The following VPS13B variants were observed in gnomAD, a reference collection of about 807,000 sequenced individuals.
The protein encoded by VPS13B is vacuolar protein sorting 13 homolog B.
In VPS13B, 285 loss-of-function variants were observed where a neutral mutation model predicts 426.4. The observed-to-expected ratio is 0.67, with a 90% CI of 0.61 to 0.74. VPS13B has a LOEUF of 0.74. Among genes scored for constraint, VPS13B ranks in the 30% least tolerant of loss-of-function variants. VPS13B has a pLI of 0.00. For synonymous variants in VPS13B, 1,676 were observed against 1,676.4 expected (o/e 1.00, Z 0.01); for missense variants, 4,537 against 4,782.6 (o/e 0.95, Z 1.51).
intron 3 of VPS13B, among the ~76,000 whole-genome samples, chr8:99,039,897 T>G (rs577765952): frequency 6.6e-6 from 1 of 152,288 alleles, no homozygotes; most frequent in South Asian, 2.1e-4. Flanking sequence ...AAAGTTACTT[T>G]GTGAACTTCT....
intron 23 of VPS13B, among the ~76,000 whole-genome samples, chr8:99,459,732 A>C (rs1203539768): frequency 6.6e-6 from 1 of 152,190 alleles, no homozygotes; most frequent in Non-Finnish European, 1.5e-5. Flanking sequence ...TTGTGTATGC[A>C]GTCTGTCATT....
intron 34 of VPS13B, among the ~76,000 whole-genome samples, chr8:99,647,498 G>A (rs1171804264): frequency 6.7e-6 from 1 of 150,286 alleles, no homozygotes; most frequent in East Asian, 2.0e-4. Flanking sequence ...AGAATCACTT[G>A]AACCTGGGAG....
chr8:99,401,771 C>T (rs1263251643), intron 21 of VPS13B, among the ~76,000 whole-genome samples: 1 of 152,124 alleles, frequency 6.6e-6, no homozygotes, highest in Non-Finnish European at 1.5e-5. Flanking sequence ...GAGGCTGAGG[C>T]AGGAGAATTG....
In VPS13B at chr8:99,292,875, C is replaced by A. The variant is rs536047393; in HGVS notation, c.2824+17621C>A. Reference sequence around the variant, plus strand: ...TGAATCAGAACTACTTATAAACACACAATGCAACTAATTATTTGTGCTTCT... The same window carrying A: ...TGAATCAGAACTACTTATAAACACAAAATGCAACTAATTATTTGTGCTTCT... On this transcript the variant is annotated intron_variant, in intron 19 of 61. Coordinates refer to ENST00000357162, the MANE Select transcript of VPS13B (RefSeq NM_152564.5). 2.6e-5 allele frequency among the ~76,000 whole-genome samples: 4 copies of A among 152,252 alleles called. No homozygotes were observed. The South Asian group carries it at 6.2e-4, about 24-fold the overall frequency.
At chr8:99,343,097 C>CTT (rs759780417) in intron 19 of VPS13B, among the ~76,000 whole-genome samples, 19 of 142,244 alleles carry the variant, frequency 1.3e-4, no homozygotes, top group African/African-American at 4.4e-4. Flanking sequence ...ATTTTTCTTT[C>CTT]TTTTTTTTTT....
chr8:99,808,799 A>C (rs1813545221), intron 43 of VPS13B, among the ~76,000 whole-genome samples: 2 of 149,922 alleles, frequency 1.3e-5, no homozygotes, highest in African/African-American at 2.5e-5. Context: ...TACATAACAA[A>C]AAAAAAAAAG....
rs1423890336 is a variant in VPS13B, at chr8:99,820,023, G to C, written c.8895G>C (p.Leu2965=). 2 of 1,614,008 alleles carry C rather than the reference G, an allele frequency of 1.2e-6. No individual in the cohort carries two copies. The highest frequency in any genetic ancestry group is 3.3e-5 in the Admixed American group (2 of 59,996). ...TLLIELLPWA[L]LINESKWDLW... is the part of the protein sequence containing the mutation. ...TGATAGAACTTCTGCCCTGGGCCCT[G>C]CTTATCAATGAATCCAAATGGGACC... The change falls in exon 49 of 62, where the codon CTG becomes CTC. Residue 2965 remains leucine (L), a synonymous_variant. Transcript: ENST00000357162.
chr8:99,045,243 A>G (rs901167526), intron 3 of VPS13B, among the ~76,000 whole-genome samples: 11 of 152,168 alleles, frequency 7.2e-5, no homozygotes, highest in African/African-American at 9.7e-5. Context: ...GATTATGGCT[A>G]TTCTTGCAGG....
At chr8:99,102,544 A>G (rs1470708150) in intron 4 of VPS13B, among the ~76,000 whole-genome samples, 1 of 152,200 alleles carries the variant, frequency 6.6e-6, no homozygotes, top group Non-Finnish European at 1.5e-5. Flanking sequence ...AAAGAAGACC[A>G]TCTTCTAATA....
intron 33 of VPS13B, among the ~76,000 whole-genome samples, chr8:99,607,840 G>A (rs550900590): frequency 1.6e-4 from 25 of 152,078 alleles, no homozygotes; most frequent in Non-Finnish European, 2.6e-4. Flanking sequence ...TGCCTTAGAT[G>A]TAAACATAAA....
chr8:99,833,179 C>T (rs1268346053), intron 52 of VPS13B, among the ~76,000 whole-genome samples: 3 of 152,138 alleles, frequency 2.0e-5, no homozygotes, highest in Non-Finnish European at 2.9e-5. Context: ...GTGGTCGTTC[C>T]TGCACGCAAG....
intron 33 of VPS13B, among the ~76,000 whole-genome samples, chr8:99,587,474 C>T (rs1472763963): frequency 9.9e-5 from 15 of 151,700 alleles, no homozygotes; most frequent in Admixed American, 2.0e-4. Flanking sequence ...CCACATCCTC[C>T]CCAGCACCTG....
In VPS13B at chr8:99,835,520, G is replaced by A; in HGVS notation, c.9743-19G>A. On this transcript the variant is annotated intron_variant, in intron 53 of 61. Transcript: ENST00000357162. ...GTCTTTAAGGGCTAATTCTGCATAT[G>A]CCTTTTTTAAAATTTCAGATATTCC... 6.2e-7 allele frequency: 1 copy of A among 1,612,194 alleles called. No homozygotes were observed. The highest frequency in any genetic ancestry group is 1.1e-5 in the South Asian group (1 of 91,004).
rs549972339 is a variant in VPS13B at position 99,267,508 on chromosome 8, T to C, written c.2516-6690T>C. ...ACTTTGGGAGGCTGAGGTGGGAAGATCAAAAGATCAGGAGATCGAGACCAT... is the reference window on the plus strand; with the variant it reads ...ACTTTGGGAGGCTGAGGTGGGAAGACCAAAAGATCAGGAGATCGAGACCAT... On this transcript the variant is annotated intron_variant, in intron 17 of 61. Coordinates refer to ENST00000357162, the MANE Select transcript of VPS13B (RefSeq NM_152564.5). 6.6e-5 allele frequency among the ~76,000 whole-genome samples: 10 copies of C among 151,968 alleles called. No homozygotes were observed. In the East Asian group the frequency reaches 1.7e-3, roughly 27 times the overall value.
At chr8:99,595,178 G>A (rs1356131387) in intron 33 of VPS13B, among the ~76,000 whole-genome samples, 1 of 151,678 alleles carries the variant, frequency 6.6e-6, no homozygotes, top group Non-Finnish European at 1.5e-5. Context: ...TATTTGTTGG[G>A]GGTTACATAT....
chr8:99,782,028 G>T (rs1284048513), intron 42 of VPS13B, among the ~76,000 whole-genome samples: 1 of 152,114 alleles, frequency 6.6e-6, no homozygotes, highest in African/African-American at 2.4e-5. Flanking sequence ...AAAAGGATTG[G>T]ATAGGACAGA....
rs986843596 is a variant in VPS13B at position 99,096,780 on chromosome 8, A to G, written c.412+348A>G. Among the ~76,000 whole-genome samples the G allele has an allele frequency of 2.7e-5, 4 of 150,942 alleles. No individual in the cohort carries two copies. In the South Asian group the frequency reaches 6.3e-4, roughly 24 times the overall value. On this transcript the variant is annotated intron_variant, in intron 4 of 61. Coordinates refer to ENST00000357162, the MANE Select transcript of VPS13B (RefSeq NM_152564.5). ...CAAAAAAAAAAAAAAAAAATTGATC[A>G]TTGTTTTAGTACTTTGTAGAATATA...
chr8:99,255,333 T>C (rs2132933854), intron 17 of VPS13B, among the ~76,000 whole-genome samples: 2 of 152,370 alleles, frequency 1.3e-5, no homozygotes, highest in Middle Eastern at 6.8e-3. Context: ...TAATGGCTGC[T>C]TTAAAATCTT....
At chr8:99,286,094 C>A (rs1563647455) in intron 19 of VPS13B, among the ~76,000 whole-genome samples, 1 of 152,136 alleles carries the variant, frequency 6.6e-6, no homozygotes, top group Non-Finnish European at 1.5e-5. Flanking sequence ...TTTGCTGTAT[C>A]ATGCTGCAAA....
Sources: allele counts gnomAD v4.1 joint callset (sites outside exome capture counted in the v4.1 genomes callset), GRCh38; gene constraint gnomAD v4.1.1; transcripts MANE v1.5; gene names NCBI Gene and HGNC (gene_info 2026-07-23, HGNC 2026-07-21).